The following ZNF423 variants were observed in gnomAD, a reference collection of about 807,000 sequenced individuals.
The protein encoded by ZNF423 is zinc finger protein 423.
ZNF423 carries 12 observed loss-of-function variants against 95.8 expected under a neutral mutation model. The observed-to-expected ratio is 0.13, with a 90% confidence interval of 0.08 to 0.20. The LOEUF (loss-of-function observed/expected upper bound fraction) is 0.20. Ranked by LOEUF, ZNF423 falls within the 10% of genes least tolerant of loss-of-function variation. The pLI, the probability that ZNF423 is intolerant of heterozygous loss-of-function variation, is 1.00. For synonymous variants in ZNF423, 749 were observed against 711.9 expected, an observed-to-expected ratio of 1.05 and a Z score of -0.83; for missense variants, 1,316 against 1,737.1, an observed-to-expected ratio of 0.76 and a Z score of 4.31.
intron 1 of ZNF423, among the ~76,000 whole-genome samples, chr16:49,803,696 C>A (rs1411566438): frequency 6.6e-6 from 1 of 152,136 alleles, no homozygotes. Context: ...AGGGCTGGCA[C>A]ACAGGAGCTG....
At chr16:49,837,722 T>C (rs2035135965) in intron 1 of ZNF423, among the ~76,000 whole-genome samples, 1 of 152,354 alleles carries the variant, frequency 6.6e-6, no homozygotes, top group Admixed American at 6.5e-5. Context: ...ACAGAGACTA[T>C]GGCCTCTTCT....
At chr16:49,586,888 C>A (rs756559399) in intron 5 of ZNF423, among the ~76,000 whole-genome samples, 9 of 152,190 alleles carry the variant, frequency 5.9e-5, no homozygotes. Context: ...GTGAGGACAG[C>A]ACCAAGGCAC....
chr16:49,673,186 T>C (rs1409740181), intron 3 of ZNF423, among the ~76,000 whole-genome samples: 1 of 152,164 alleles, frequency 6.6e-6, no homozygotes, highest in Non-Finnish European at 1.5e-5. Flanking sequence ...TGCAGGTAAA[T>C]CCCATTTGAC....
At position 49,855,341 on chromosome 16, in the gene ZNF423, C is replaced by T. The variant is rs1203898065; in HGVS notation, c.40+394G>A. On this transcript the variant is annotated intron_variant, in intron 1 of 7. Transcript: ENST00000563137. This position sits in a 1 kb window ranked among gnomAD's most constrained non-coding sequence, Gnocchi z 4.7. The stretch of plus-strand genomic sequence containing the variant: ...CCTCCTGTCGCCCGCCCGCCGCCGC[C>T]GAGATTCGCAATCCCCGCCAAGTCG... 2.0e-5 allele frequency among the ~76,000 whole-genome samples: 3 copies of T among 151,024 alleles called. No individual in the cohort carries two copies. The highest frequency in any genetic ancestry group is 3.0e-5 in the Non-Finnish European group (2 of 67,638).
chr16:49,632,507 C>A (rs1216144731), intron 4 of ZNF423, among the ~76,000 whole-genome samples: 1 of 152,074 alleles, frequency 6.6e-6, no homozygotes, highest in Non-Finnish European at 1.5e-5. Flanking sequence ...GGCCTCCAGG[C>A]AGGCAGAGCC....
intron 2 of ZNF423, among the ~76,000 whole-genome samples, chr16:49,748,623 C>T (rs1332076817): frequency 6.6e-6 from 1 of 152,200 alleles, no homozygotes; most frequent in African/African-American, 2.4e-5. Flanking sequence ...CGGGTGACAT[C>T]ACCTGATCAC....
intron 3 of ZNF423, among the ~76,000 whole-genome samples, chr16:49,678,853 T>C (rs2031230907): frequency 6.6e-6 from 1 of 152,190 alleles, no homozygotes; most frequent in African/African-American, 2.4e-5. Flanking sequence ...ATACAAATCA[T>C]GAAGAGGATC....
intron 3 of ZNF423, among the ~76,000 whole-genome samples, chr16:49,660,384 AAACG>A (rs1176494461): frequency 4.3e-5 from 6 of 138,018 alleles, no homozygotes; most frequent in Admixed American, 2.8e-4. Context: ...GAAAATGAGA[AAACG>A]AATGAATGAA....
At chr16:49,543,989 C>T (rs541634344) in intron 5 of ZNF423, among the ~76,000 whole-genome samples, 1 of 152,194 alleles carries the variant, frequency 6.6e-6, no homozygotes, top group Non-Finnish European at 1.5e-5. Flanking sequence ...TGATAGAATG[C>T]AACAACTGTC....
chr16:49,607,977 C>T (rs1162296017), intron 5 of ZNF423, among the ~76,000 whole-genome samples: 1 of 152,168 alleles, frequency 6.6e-6, no homozygotes, highest in Non-Finnish European at 1.5e-5. Context: ...AACTTTTAGC[C>T]CTAGGCATCA....
chr16:49,740,597 G>A (rs976088777), intron 2 of ZNF423, among the ~76,000 whole-genome samples: 38 of 152,200 alleles, frequency 2.5e-4, no homozygotes, highest in African/African-American at 8.4e-4. Context: ...GTCCAAGTTC[G>A]GCTTCTTAAA....
chr16:49,614,887 T>C (rs531478089), intron 5 of ZNF423, among the ~76,000 whole-genome samples: 5 of 152,212 alleles, frequency 3.3e-5, no homozygotes, highest in Admixed American at 1.3e-4. Context: ...TCCCAGCACT[T>C]TGGGAGGCTC....
At position 49,730,356 on chromosome 16, in the gene ZNF423, T is replaced by G. The variant is rs189951836; in HGVS notation, c.301+415A>C. Among the ~76,000 whole-genome samples the G allele has an allele frequency of 2.6e-5, 4 of 152,292 alleles. No homozygotes were observed. The East Asian group carries it at 7.7e-4, about 29-fold the overall frequency. ...ACGGGCTGTCCTTGGCCTTTGAAATTTCCTCATCCCATCAGAAGCTCTGCC... is the reference window on the plus strand; with the variant it reads ...ACGGGCTGTCCTTGGCCTTTGAAATGTCCTCATCCCATCAGAAGCTCTGCC... On this transcript the variant is annotated intron_variant, in intron 3 of 7. Transcript: ENST00000563137.
intron 3 of ZNF423, among the ~76,000 whole-genome samples, chr16:49,658,706 C>A (rs1421919596): frequency 1.3e-5 from 2 of 152,254 alleles, no homozygotes; most frequent in African/African-American, 2.4e-5. Flanking sequence ...TTGGCCAGCA[C>A]GTCAGGTCCC....
Position 49,490,533 on chromosome 16 carries a change from AAC to A in ZNF423, c.*740_*741del, listed in dbSNP as rs2151639040. ...GCAAGCCCACAGGAACTTGTAGGGG[AAC>A]ACACCTTACAGGAGCTGACAGCCCC... On this transcript the variant is annotated 3_prime_UTR_variant, in exon 8 of 8. Coordinates refer to ENST00000563137, the MANE Select transcript of ZNF423 (RefSeq NM_001379286.1). 6.6e-6 allele frequency: 1 copy of A among 152,612 alleles called. No individual in the cohort carries two copies. Among genetic ancestry groups the A allele is most frequent in the African/African-American group, 2.4e-5 (1 of 41,546 alleles). The allele number at this position is 152,612 out of a possible 1,614,324, so 9.5% of individuals were successfully genotyped here.
At chr16:49,494,795 A>G in intron 7 of ZNF423, among the ~76,000 whole-genome samples, 1 of 152,204 alleles carries the variant, frequency 6.6e-6, no homozygotes, top group Non-Finnish European at 1.5e-5. Flanking sequence ...AGCACAGTTC[A>G]ATAACCGTGA....
At chr16:49,596,756 C>T (rs957927990) in intron 5 of ZNF423, among the ~76,000 whole-genome samples, 4 of 152,294 alleles carry the variant, frequency 2.6e-5, no homozygotes, top group Admixed American at 2.6e-4. Flanking sequence ...ATCGCTTTCA[C>T]AGCATCAGCC....
intron 5 of ZNF423, among the ~76,000 whole-genome samples, chr16:49,567,044 A>T (rs1337184912): frequency 1.3e-5 from 2 of 152,170 alleles, no homozygotes; most frequent in African/African-American, 4.8e-5. Flanking sequence ...AATGGGCCCA[A>T]ATTGATGACA....
At chr16:49,641,369 C>T (rs983549489) in intron 3 of ZNF423, among the ~76,000 whole-genome samples, 1 of 152,176 alleles carries the variant, frequency 6.6e-6, no homozygotes, top group Admixed American at 6.5e-5. Context: ...GTCCTCAGGA[C>T]TTGATCTCCT....
Sources: allele counts gnomAD v4.1 joint callset (sites outside exome capture counted in the v4.1 genomes callset), GRCh38; gene constraint gnomAD v4.1.1; non-coding constraint Gnocchi (gnomAD v3.1); transcripts MANE v1.5; gene names NCBI Gene and HGNC (gene_info 2026-07-23, HGNC 2026-07-21).